The following BEND2 variants were observed in gnomAD, a reference collection of about 807,000 sequenced individuals.
The protein encoded by BEND2 is BEN domain-containing protein 2.
In BEND2, 19 loss-of-function variants were observed where a neutral mutation model predicts 43.8. The observed-to-expected ratio is 0.43, with a 90% CI of 0.30 to 0.64. The LOEUF is 0.64. BEND2 is among the 30% of genes least tolerant of loss of function. The pLI is 0.11. For synonymous variants in BEND2, 226 were observed against 210.1 expected, an observed-to-expected ratio of 1.08 and a Z score of -0.66; for missense variants, 544 against 574.0, an observed-to-expected ratio of 0.95 and a Z score of 0.53.
chrX:18,179,144 G>T (rs73189197), intron 9 of BEND2, among the ~76,000 whole-genome samples: 12,937 of 104,379 alleles, frequency 0.12, 814 homozygotes, highest in Middle Eastern at 0.25. Context: ...GTATCAGAGT[G>T]CCCATTTCAG....
chrX:18,219,624 C>T (rs1302554482), intron 1 of BEND2, among the ~76,000 whole-genome samples: 1 of 112,747 alleles, frequency 8.9e-6, no homozygotes, highest in Non-Finnish European at 1.9e-5. Context: ...TCAAAGCTCT[C>T]ACCCAGTGGG....
chrX:18,205,209 C>T (rs1183693387), intron 4 of BEND2, among the ~76,000 whole-genome samples: 1 of 110,808 alleles, frequency 9.0e-6, no homozygotes, highest in Non-Finnish European at 1.9e-5. Context: ...TCAACTAAAC[C>T]TTTATTGACG....
intron 10 of BEND2, 128 bp downstream of exon 10, chrX:18,177,441 G>A: frequency 4.3e-6 from 3 of 700,955 alleles, no homozygotes; most frequent in Admixed American, 2.9e-5. Flanking sequence ...GGTCAGACAG[G>A]TGAAAAAAAT....
chrX:18,176,137 TAAC>T (rs1569116417), intron 10 of BEND2, 44 bp from the exon 11 acceptor site: 2 of 1,150,594 alleles, frequency 1.7e-6, no homozygotes, highest in East Asian at 3.1e-5. Context: ...AAAAAAAAAT[TAAC>T]AAACTAATGA....
At chrX:18,197,796 G>C (rs1326178567) in intron 6 of BEND2, among the ~76,000 whole-genome samples, 2 of 111,561 alleles carry the variant, frequency 1.8e-5, no homozygotes, top group African/African-American at 6.5e-5. Context: ...AACTTGAATT[G>C]TATCTCCCAG....
intron 13 of BEND2, among the ~76,000 whole-genome samples, chrX:18,169,939 A>G (rs1923923878): frequency 8.9e-6 from 1 of 112,150 alleles, no homozygotes; most frequent in Non-Finnish European, 1.9e-5. Flanking sequence ...AAAGAACTAT[A>G]AAAGTCACCT....
chrX:18,213,076 C>T (rs1431726312), intron 3 of BEND2, among the ~76,000 whole-genome samples: 1 of 111,490 alleles, frequency 9.0e-6, no homozygotes, highest in African/African-American at 3.3e-5. Context: ...TAGATCGGAC[C>T]CCCACTGCTA....
At chrX:18,220,661 C>T (rs1925842907) in intron 1 of BEND2, 65 bp downstream of exon 1, 1 of 1,198,134 alleles carries the variant, frequency 8.3e-7, no homozygotes, top group Non-Finnish European at 1.1e-6. Context: ...AAGTGGGTGC[C>T]ATCCAGACTC....
rs141731807 is a variant in BEND2, at chrX:18,175,987, T to C, written c.1737A>G (p.Glu579=). ...INSMIYCLCS[E]GKSTPKTVRK... is the part of the protein sequence containing the mutation. ...AATAACTTACTGGAGTACTCTTGCCTTCAGAACATAAACAGTAGATCATAG... is the reference window on the plus strand; with the variant it reads ...AATAACTTACTGGAGTACTCTTGCCCTCAGAACATAAACAGTAGATCATAG... Residue 579 remains glutamate, a synonymous_variant, in exon 11 of 14, where the codon GAA becomes GAG. Transcript: ENST00000380033. The C allele has an allele frequency of 1.2e-5, 14 of 1,190,465 alleles. No homozygotes were observed. Among genetic ancestry groups the C allele is most frequent in the Admixed American group, 9.2e-5 (4 of 43,385 alleles).
intron 1 of BEND2, among the ~76,000 whole-genome samples, chrX:18,220,358 G>C (rs1925830569): frequency 8.9e-6 from 1 of 112,556 alleles, no homozygotes; most frequent in South Asian, 3.7e-4. Flanking sequence ...AGAACCGCGG[G>C]CCAGAGGGCA....
chrX:18,201,929 T>C lies in BEND2; in HGVS notation c.919A>G (p.Arg307Gly). 8.3e-7 allele frequency: 1 copy of C among 1,206,797 alleles called. No individual in the cohort carries two copies. The highest frequency in any genetic ancestry group is 2.2e-5 in the Admixed American group (1 of 45,100). Residue 307 changes from arginine to glycine, a missense_variant, in exon 6 of 14, where the codon AGA (arginine) becomes GGA (glycine). By Grantham distance (125) the Arg-to-Gly change is moderately radical. Transcript: ENST00000380033. ...CTGTTTTTACTGCTGTTTGCTGGTC[T>C]TTCTGGCATTTCTGTAAATAAAAAG... ...CFHPNLEMPE[R>G]PANSSKNSTE...
chrX:18,192,759 C>G (rs761752983), intron 7 of BEND2, among the ~76,000 whole-genome samples: 2 of 112,178 alleles, frequency 1.8e-5, no homozygotes, highest in South Asian at 7.4e-4. Context: ...GGAATAGTGT[C>G]CACAATAAAA....
At chrX:18,207,289 T>A (rs773196694) in intron 4 of BEND2, among the ~76,000 whole-genome samples, 61 of 112,297 alleles carry the variant, frequency 5.4e-4, no homozygotes, top group East Asian at 8.4e-4. Flanking sequence ...ACATTTTTTT[T>A]AATAAACCTT....
rs750510729 is a variant in BEND2, at chrX:18,180,614, G to A, written c.1325C>T (p.Thr442Ile). 8.3e-7 allele frequency: 1 copy of A among 1,210,397 alleles called. No individual in the cohort carries two copies. Among genetic ancestry groups the A allele is most frequent in the Non-Finnish European group, 1.1e-6 (1 of 894,406 alleles). ...LPLNILVKVD[T>I]NTENSVNTMN... is the part of the protein sequence containing the mutation. Reference sequence around the variant, plus strand: ...TGTGTTGACGCTGTTTTCCGTGTTGGTGTCTACTTTTACCAAAATATTCAG... The same window carrying A: ...TGTGTTGACGCTGTTTTCCGTGTTGATGTCTACTTTTACCAAAATATTCAG... Residue 442 changes from threonine to isoleucine, a missense_variant, in exon 9 of 14, where the codon ACC becomes ATC. Thr to Ile is a moderately conservative substitution (Grantham distance 89). This residue lies in a region of BEND2 where 501 missense variants were observed against 501.6 expected (regional missense o/e 1.00). Transcript: ENST00000380033.
At chrX:18,169,106 C>T (rs1202921628) in intron 13 of BEND2, among the ~76,000 whole-genome samples, 1 of 109,675 alleles carries the variant, frequency 9.1e-6, no homozygotes, top group African/African-American at 3.3e-5. Flanking sequence ...GATCACACTA[C>T]TGCACTCCAG....
chrX:18,177,908 T>C, intron 9 of BEND2, 139 bp from the exon 10 acceptor site: 1 of 610,489 alleles, frequency 1.6e-6, no homozygotes, highest in East Asian at 3.5e-5. Flanking sequence ...TTCTAATTCA[T>C]GAATTTCTAC....
chrX:18,194,726 C>T (rs944153620), intron 7 of BEND2, among the ~76,000 whole-genome samples: 10 of 110,877 alleles, frequency 9.0e-5, no homozygotes, highest in African/African-American at 2.9e-4. Context: ...GAAAAAAAAT[C>T]CAATTCCAAA....
chrX:18,164,808 A>G lies in BEND2; in HGVS notation c.*201T>C. The G allele has an allele frequency of 2.4e-6, 1 of 413,014 alleles. No homozygotes were observed. Among genetic ancestry groups the G allele is most frequent in the South Asian group, 4.9e-5 (1 of 20,247 alleles). 34.0% of individuals were successfully genotyped at this position (413,014 alleles called of 1,213,427 possible). On this transcript the variant is annotated 3_prime_UTR_variant, in exon 14 of 14. Coordinates refer to ENST00000380033, the MANE Select transcript of BEND2 (RefSeq NM_153346.5). The stretch of plus-strand genomic sequence containing the variant: ...ATTCCCTCAATCAGAGGTTGTCATC[A>G]AATCCACAGATGAAACATTACGTAT...
chrX:18,190,032 A>C (rs1924704607), intron 8 of BEND2, among the ~76,000 whole-genome samples: 1 of 104,489 alleles, frequency 9.6e-6, no homozygotes, highest in Admixed American at 1.0e-4. Flanking sequence ...CCTGGGTGAC[A>C]GACCGAGACT....
Sources: allele counts gnomAD v4.1 joint callset (sites outside exome capture counted in the v4.1 genomes callset), GRCh38; gene constraint gnomAD v4.1.1; regional missense constraint gnomAD v4.1.1; transcripts MANE v1.5; gene names NCBI Gene and HGNC (gene_info 2026-07-23, HGNC 2026-07-21).